The following TANGO6 variants were observed in gnomAD, a reference collection of about 807,000 sequenced individuals.
TANGO6 encodes transport and golgi organization 6 homolog, also known as transport and Golgi organization protein 6 homolog.
In TANGO6, 90 loss-of-function variants were observed where a neutral mutation model predicts 114.2. The ratio of observed to expected loss-of-function variants is 0.79; its 90% CI spans 0.66 to 0.94. The LOEUF (loss-of-function observed/expected upper bound fraction) is 0.94. TANGO6 is among the 40% of genes least tolerant of loss of function. The probability of loss-of-function intolerance (pLI) is 0.00; values close to 1 mark genes in which losing one functional copy is unlikely to be tolerated. For missense variants in TANGO6, 1,274 were observed against 1,315.3 expected, an observed-to-expected ratio of 0.97 and a Z score of 0.49; for synonymous variants, 477 against 509.8, an observed-to-expected ratio of 0.94 and a Z score of 0.87.
chr16:69,029,027 G>T (rs746776393), intron 16 of TANGO6, among the ~76,000 whole-genome samples: 3 of 152,154 alleles, frequency 2.0e-5, no homozygotes, highest in Non-Finnish European at 4.4e-5. Flanking sequence ...CAAACATTGA[G>T]ACTGTATTTA....
chr16:68,902,339 A>G lies in TANGO6; in HGVS notation c.1502A>G (p.Gln501Arg). 2 of 1,610,026 alleles carry G rather than the reference A, an allele frequency of 1.2e-6. No homozygotes were observed. Among genetic ancestry groups the G allele is most frequent in the South Asian group, 2.2e-5 (2 of 90,366 alleles). ...GCTTTTTCTGCCAGGTCACTTTGCC[A>G]AGAAATCTTATTATGGATTCTGGGG... ...QSVSHIRSLC[Q>R]EILLWILGKL... The change falls in exon 9 of 18, where the codon CAA becomes CGA. Residue 501 changes from glutamine to arginine, a missense_variant. Physicochemically the swap from Gln to Arg is conservative, Grantham distance 43. Coordinates refer to ENST00000261778, the MANE Select transcript of TANGO6 (RefSeq NM_024562.2).
chr16:68,864,275 G>A (rs539313157), intron 3 of TANGO6, among the ~76,000 whole-genome samples: 2 of 152,060 alleles, frequency 1.3e-5, no homozygotes, highest in African/African-American at 2.4e-5. Flanking sequence ...ATCTAGGTGT[G>A]TAAAGAGTGA....
chr16:68,940,099 C>G (rs1963336750), intron 14 of TANGO6, among the ~76,000 whole-genome samples: 2 of 145,850 alleles, frequency 1.4e-5, no homozygotes, highest in Non-Finnish European at 3.0e-5. Flanking sequence ...TCTCTCCTTC[C>G]TTCCTTCTTT....
intron 1 of TANGO6, among the ~76,000 whole-genome samples, chr16:68,853,355 GA>G (rs901926297): frequency 4.7e-4 from 67 of 143,962 alleles, no homozygotes; most frequent in Non-Finnish European, 8.9e-4. Context: ...GTGAGAAAAG[GA>G]AAAAAAAAAG....
intron 14 of TANGO6, among the ~76,000 whole-genome samples, chr16:68,951,336 T>TG (rs953015684): frequency 4.5e-5 from 4 of 89,506 alleles, no homozygotes; most frequent in Non-Finnish European, 9.3e-5. Flanking sequence ...AAAGGCAGGG[T>TG]GGGGGGGTTG....
intron 15 of TANGO6, among the ~76,000 whole-genome samples, chr16:69,002,618 C>T (rs1964054301): frequency 6.6e-6 from 1 of 152,170 alleles, no homozygotes; most frequent in Non-Finnish European, 1.5e-5. Context: ...CCTCCCCAGC[C>T]TGCAGAGCCA....
intron 15 of TANGO6, among the ~76,000 whole-genome samples, chr16:68,998,288 C>T (rs1007642699): frequency 6.6e-6 from 1 of 152,202 alleles, no homozygotes; most frequent in African/African-American, 2.4e-5. Context: ...GGTTGGTTCA[C>T]AGGAGTAAGC....
At chr16:68,920,169 G>A (rs1259281191) in intron 12 of TANGO6, among the ~76,000 whole-genome samples, 5 of 152,204 alleles carry the variant, frequency 3.3e-5, no homozygotes, top group Non-Finnish European at 7.3e-5. Context: ...AGTCCAGTAA[G>A]GAAGTCAGAC....
intron 17 of TANGO6, among the ~76,000 whole-genome samples, chr16:69,054,956 A>AG (rs1254435001): frequency 6.6e-6 from 1 of 151,686 alleles, no homozygotes; most frequent in East Asian, 1.9e-4. Flanking sequence ...AAAAAAAAAA[A>AG]AAAAAAAACT....
chr16:69,021,896 T>TA (rs2152227857), intron 15 of TANGO6, among the ~76,000 whole-genome samples: 1 of 150,612 alleles, frequency 6.6e-6, no homozygotes, highest in East Asian at 1.9e-4. Flanking sequence ...CTTTTTTTTT[T>TA]TTTTTTTAAG....
At chr16:68,916,783 C>T (rs1299478444) in intron 11 of TANGO6, among the ~76,000 whole-genome samples, 4 of 152,012 alleles carry the variant, frequency 2.6e-5, no homozygotes, top group African/African-American at 9.7e-5. Flanking sequence ...AGATTCACAA[C>T]AAAATTGAAC....
chr16:69,058,520 A>C (rs186040292), intron 17 of TANGO6, among the ~76,000 whole-genome samples: 29 of 152,328 alleles, frequency 1.9e-4, no homozygotes, highest in Middle Eastern at 3.4e-3. Context: ...AACTGAATGC[A>C]AACCCAGGCT....
intron 14 of TANGO6, among the ~76,000 whole-genome samples, chr16:68,931,863 CT>C (rs1346211800): frequency 1.3e-5 from 2 of 150,942 alleles, no homozygotes; most frequent in Non-Finnish European, 3.0e-5. Flanking sequence ...GAGTTATGCA[CT>C]TTTTTTTTAA....
intron 14 of TANGO6, among the ~76,000 whole-genome samples, chr16:68,936,339 C>T (rs1450767779): frequency 2.0e-5 from 3 of 152,044 alleles, no homozygotes; most frequent in Middle Eastern, 6.8e-3. Flanking sequence ...CAGATTATTT[C>T]TTTTTTTCTT....
chr16:68,972,595 G>T (rs1032169508), intron 14 of TANGO6, among the ~76,000 whole-genome samples: 1 of 152,048 alleles, frequency 6.6e-6, no homozygotes, highest in East Asian at 1.9e-4. Flanking sequence ...CATTTAGCAG[G>T]TAGTTACTGA....
At chr16:68,846,910 G>A (rs1019926469) in intron 1 of TANGO6, 1 of 145,654 alleles carries the variant, frequency 6.9e-6, no homozygotes, top group African/African-American at 2.5e-5. Context: ...TTTTTTTTGT[G>A]GCGGAGTTTC....
At chr16:68,954,255 A>G (rs537508468) in intron 14 of TANGO6, among the ~76,000 whole-genome samples, 1 of 151,446 alleles carries the variant, frequency 6.6e-6, no homozygotes, top group Non-Finnish European at 1.5e-5. Context: ...ATCTCAAAAA[A>G]AAAAAAAAAA....
chr16:68,980,383 T>TTCTCTCTCTCTCTCTC (rs143061953), intron 15 of TANGO6, among the ~76,000 whole-genome samples: 725 of 36,282 alleles, frequency 0.02, 15 homozygotes, highest in Middle Eastern at 0.03. Flanking sequence ...CTGTCTGTCA[T>TTCTCTCTCTCTCTCTC]TCTCTCTCTC....
chr16:68,956,349 G>A (rs1236562605), intron 14 of TANGO6, among the ~76,000 whole-genome samples: 1 of 152,164 alleles, frequency 6.6e-6, no homozygotes, highest in East Asian at 1.9e-4. Flanking sequence ...TAAGCTGTGG[G>A]TTTCATGGCT....
Sources: gnomAD v4.1 joint callset for allele counts (sites outside exome capture counted in the v4.1 genomes callset) on GRCh38, gnomAD v4.1.1 for gene constraint, MANE v1.5 for transcripts, NCBI Gene and HGNC (gene_info 2026-07-23, HGNC 2026-07-21) for gene names.